SPAG16: variants seen among roughly 807,000 people sequenced by gnomAD.
SPAG16 encodes sperm associated antigen 16.
Under a neutral mutation model 80.4 loss-of-function variants are expected in SPAG16, and 86 were observed. That is an observed-to-expected ratio of 1.07 (90% CI 0.90 to 1.28). SPAG16 has a LOEUF of 1.28. Ranked by LOEUF, SPAG16 falls within the 50% of genes most tolerant of loss-of-function variation. The pLI is 0.00. For synonymous variants in SPAG16, 294 were observed against 265.9 expected, an observed-to-expected ratio of 1.11 and a Z score of -1.03; for missense variants, 870 against 765.3, an observed-to-expected ratio of 1.14 and a Z score of -1.61.
intron 10 of SPAG16, among the ~76,000 whole-genome samples, chr2:213,512,812 T>A (rs1031930984): frequency 6.6e-6 from 1 of 152,158 alleles, no homozygotes; most frequent in Non-Finnish European, 1.5e-5. Flanking sequence ...GAACTGGAAG[T>A]TTTGAATCCT....
chr2:213,719,620 C>T (rs1200792594), intron 10 of SPAG16, among the ~76,000 whole-genome samples: 1 of 152,128 alleles, frequency 6.6e-6, no homozygotes, highest in Non-Finnish European at 1.5e-5. Flanking sequence ...TCCGGTCACC[C>T]ACCAATTCTG....
intron 13 of SPAG16, among the ~76,000 whole-genome samples, chr2:214,023,349 A>T (rs2047976246): frequency 6.6e-6 from 1 of 151,658 alleles, no homozygotes; most frequent in South Asian, 2.1e-4. Context: ...TGGCTTTCAC[A>T]TCTTTCCCTA....
chr2:213,417,185 A>G (rs768989656), intron 9 of SPAG16, among the ~76,000 whole-genome samples: 1 of 152,002 alleles, frequency 6.6e-6, no homozygotes, highest in Non-Finnish European at 1.5e-5. Context: ...GTCAAGCATC[A>G]TACTATATAG....
At chr2:213,543,681 T>A (rs1251254950) in intron 10 of SPAG16, among the ~76,000 whole-genome samples, 1 of 151,976 alleles carries the variant, frequency 6.6e-6, no homozygotes, top group African/African-American at 2.4e-5. Context: ...CCAAACAGCT[T>A]TATTATGGTA....
At chr2:214,395,882 T>A (rs1199808477) in intron 15 of SPAG16, among the ~76,000 whole-genome samples, 20 of 152,186 alleles carry the variant, frequency 1.3e-4, no homozygotes, top group Non-Finnish European at 1.2e-4. Context: ...TATGGCTGCA[T>A]AGTATTCCAT....
intron 13 of SPAG16, among the ~76,000 whole-genome samples, chr2:214,026,413 C>A (rs1254678271): frequency 2.6e-5 from 4 of 151,364 alleles, no homozygotes; most frequent in African/African-American, 4.8e-5. Flanking sequence ...ACAATATCAA[C>A]AAAAATATCC....
intron 15 of SPAG16, among the ~76,000 whole-genome samples, chr2:214,366,091 G>T (rs1243031647): frequency 6.6e-6 from 1 of 150,976 alleles, no homozygotes; most frequent in Non-Finnish European, 1.5e-5. Context: ...TGATTCTTCT[G>T]CCTCAGCTTC....
At position 214,374,220 on chromosome 2, in the gene SPAG16, A is replaced by T. The variant is rs1369235713; in HGVS notation, c.1721-35920A>T. Among the ~76,000 whole-genome samples the T allele has an allele frequency of 3.3e-5, 5 of 152,350 alleles. No homozygotes were observed. The East Asian group carries it at 9.6e-4, about 29-fold the overall frequency. Reference sequence around the variant, plus strand: ...CAATTATGTTAAATGAACTTCCAAAAGTATCTGCTTGGCAGCAATATACCA... The same window carrying T: ...CAATTATGTTAAATGAACTTCCAAATGTATCTGCTTGGCAGCAATATACCA... On this transcript the variant is annotated intron_variant, in intron 15 of 15. Coordinates refer to ENST00000331683, the MANE Select transcript of SPAG16 (RefSeq NM_024532.5).
At chr2:213,479,316 A>G (rs1476197048) in intron 9 of SPAG16, among the ~76,000 whole-genome samples, 2 of 151,666 alleles carry the variant, frequency 1.3e-5, no homozygotes, top group African/African-American at 4.8e-5. Flanking sequence ...AATTCTCCCC[A>G]TGTACTTCCA....
At chr2:213,769,669 C>T (rs998262950) in intron 10 of SPAG16, among the ~76,000 whole-genome samples, 4 of 152,166 alleles carry the variant, frequency 2.6e-5, no homozygotes, top group African/African-American at 4.8e-5. Context: ...TTGCTCACTA[C>T]CTAATATCTT....
At chr2:213,580,362 T>C (rs773750263) in intron 10 of SPAG16, among the ~76,000 whole-genome samples, 1 of 152,164 alleles carries the variant, frequency 6.6e-6, no homozygotes, top group Non-Finnish European at 1.5e-5. Context: ...CTGTGTCATG[T>C]AAAACTTAAA....
At chr2:213,418,556 A>G (rs1478454108) in intron 9 of SPAG16, among the ~76,000 whole-genome samples, 1 of 152,086 alleles carries the variant, frequency 6.6e-6, no homozygotes, top group African/African-American at 2.4e-5. Flanking sequence ...ATTTTTCTCT[A>G]CTGGATCTTG....
intron 7 of SPAG16, among the ~76,000 whole-genome samples, chr2:213,357,578 C>A (rs1047658580): frequency 6.6e-6 from 1 of 152,088 alleles, no homozygotes; most frequent in African/African-American, 2.4e-5. Context: ...AGGATTGCAA[C>A]CCCTGCTTTT....
intron 10 of SPAG16, among the ~76,000 whole-genome samples, chr2:213,637,033 G>A (rs1041745805): frequency 6.6e-6 from 1 of 152,132 alleles, no homozygotes; most frequent in African/African-American, 2.4e-5. Flanking sequence ...TCATGTTCCA[G>A]TTCTCAGGGG....
At position 213,404,282 on chromosome 2, in the gene SPAG16, G is replaced by T. The variant is rs567031930; in HGVS notation, c.942+29163G>T. On this transcript the variant is annotated intron_variant, in intron 9 of 15. Coordinates refer to ENST00000331683, the MANE Select transcript of SPAG16 (RefSeq NM_024532.5). The stretch of plus-strand genomic sequence containing the variant: ...CTAAGCCAAAAGAACAAAGCTGGAG[G>T]CATCACTCTACCTGACTTCAAACTA... Among the ~76,000 whole-genome samples the T allele has an allele frequency of 2.3e-4, 35 of 152,278 alleles. No individual in the cohort carries two copies. The South Asian group carries it at 4.4e-3, about 19-fold the overall frequency.
chr2:214,312,362 C>A (rs899296570), intron 15 of SPAG16, among the ~76,000 whole-genome samples: 2 of 152,156 alleles, frequency 1.3e-5, no homozygotes. Flanking sequence ...TAGTTTCATG[C>A]AGAGTAAAGA....
intron 10 of SPAG16, among the ~76,000 whole-genome samples, chr2:213,823,346 G>GTTTTTA (rs946731660): frequency 6.6e-6 from 1 of 151,804 alleles, no homozygotes; most frequent in Non-Finnish European, 1.5e-5. Context: ...TTTTTGTTTT[G>GTTTTTA]TTTTTATTTG....
At chr2:213,974,038 A>G (rs1423687186) in intron 12 of SPAG16, among the ~76,000 whole-genome samples, 3 of 152,102 alleles carry the variant, frequency 2.0e-5, no homozygotes, top group African/African-American at 7.2e-5. Flanking sequence ...TTTAAGGTGG[A>G]CTTTGTAGCT....
chr2:214,090,063 T>G (rs564124679), intron 13 of SPAG16, among the ~76,000 whole-genome samples: 4 of 151,914 alleles, frequency 2.6e-5, no homozygotes, highest in Admixed American at 6.6e-5. Context: ...TGATAACATA[T>G]CTATACACAG....
Sources: allele counts gnomAD v4.1 joint callset (sites outside exome capture counted in the v4.1 genomes callset), GRCh38; gene constraint gnomAD v4.1.1; transcripts MANE v1.5; gene names NCBI Gene and HGNC (gene_info 2026-07-23, HGNC 2026-07-21).